Variants in CSMD1 observed in about 807,000 individuals in gnomAD.
The protein encoded by CSMD1 is CUB and Sushi multiple domains 1.
Under a neutral mutation model 417.5 loss-of-function variants are expected in CSMD1, and 213 were observed. The observed-to-expected ratio is 0.51, with a 90% CI of 0.46 to 0.57. CSMD1 has a LOEUF of 0.57. CSMD1 is among the 20% of genes least tolerant of loss of function. The pLI is 0.00. For missense variants in CSMD1, 6,923 were observed against 4,529.7 expected (o/e 1.53, Z -15.17); for synonymous variants, 2,862 against 1,736.8 (o/e 1.65, Z -16.11).
chr8:4,751,281 A>G (rs12056373), intron 1 of CSMD1, among the ~76,000 whole-genome samples: 80,533 of 151,790 alleles, frequency 0.53, 22,651 homozygotes, highest in South Asian at 0.69. Flanking sequence ...GCTACTTGGG[A>G]GGCTGAGGCA....
At chr8:3,972,636 T>C (rs1813165410) in intron 5 of CSMD1, among the ~76,000 whole-genome samples, 1 of 152,230 alleles carries the variant, frequency 6.6e-6, no homozygotes, top group South Asian at 2.1e-4. Context: ...CTTAAGTTAG[T>C]TTACATGTGA....
chr8:4,047,906 TGTA>T (rs1563362345), intron 3 of CSMD1, among the ~76,000 whole-genome samples: 2 of 152,184 alleles, frequency 1.3e-5, no homozygotes, highest in South Asian at 2.1e-4. Flanking sequence ...TTTGATTTTA[TGTA>T]GTATTATAAA....
chr8:4,741,601 C>G (rs867889933), intron 1 of CSMD1, among the ~76,000 whole-genome samples: 13 of 152,166 alleles, frequency 8.5e-5, no homozygotes, highest in African/African-American at 2.4e-4. Flanking sequence ...GCTTGGACAA[C>G]AGGACCTTTG....
At chr8:4,310,442 G>A (rs531496018) in intron 3 of CSMD1, among the ~76,000 whole-genome samples, 85 of 152,288 alleles carry the variant, frequency 5.6e-4, no homozygotes, top group African/African-American at 2.0e-3. Flanking sequence ...AAATTGTGCA[G>A]AAGTAGGAAG....
At chr8:4,872,150 G>C (rs1325952260) in intron 1 of CSMD1, among the ~76,000 whole-genome samples, 1 of 152,086 alleles carries the variant, frequency 6.6e-6, no homozygotes, top group Non-Finnish European at 1.5e-5. Context: ...TGAATATGTA[G>C]CAAATGAATG....
chr8:3,290,475 C>A (rs1350737711), intron 25 of CSMD1, among the ~76,000 whole-genome samples: 1 of 81,820 alleles, frequency 1.2e-5, no homozygotes, highest in Admixed American at 1.3e-4. Flanking sequence ...AATGTTCTTC[C>A]ATTTGTTTGT....
chr8:4,062,379 G>A (rs1396031660), intron 3 of CSMD1, among the ~76,000 whole-genome samples: 1 of 151,982 alleles, frequency 6.6e-6, no homozygotes, highest in African/African-American at 2.4e-5. Flanking sequence ...TTTTTCTCAA[G>A]CAATAAGAGG....
chr8:4,826,317 G>T (rs1799823657), intron 1 of CSMD1, among the ~76,000 whole-genome samples: 1 of 152,012 alleles, frequency 6.6e-6, no homozygotes, highest in Non-Finnish European at 1.5e-5. Context: ...ATATGTGTGT[G>T]TGTGTATATA....
chr8:3,515,962 G>C (rs1056069986), intron 10 of CSMD1, among the ~76,000 whole-genome samples: 12 of 152,174 alleles, frequency 7.9e-5, no homozygotes, highest in African/African-American at 1.4e-4. Flanking sequence ...GTACCAAACT[G>C]TTCGTTGCCA....
chr8:4,748,474 G>A (rs1397063447), intron 1 of CSMD1, among the ~76,000 whole-genome samples: 2 of 152,186 alleles, frequency 1.3e-5, no homozygotes, highest in Admixed American at 6.5e-5. Flanking sequence ...TCTGGAAAGT[G>A]TGGCTGGCTG....
intron 57 of CSMD1, among the ~76,000 whole-genome samples, chr8:2,971,021 T>C (rs1045935828): frequency 6.6e-6 from 1 of 152,208 alleles, no homozygotes; most frequent in African/African-American, 2.4e-5. Flanking sequence ...TTCTAAGGTA[T>C]GTGAGTGTAA....
chr8:4,314,649 A>G (rs1798818543), intron 3 of CSMD1, among the ~76,000 whole-genome samples: 2 of 152,174 alleles, frequency 1.3e-5, no homozygotes, highest in Non-Finnish European at 2.9e-5. Context: ...ATGTACTATT[A>G]CATTACCATT....
chr8:3,253,329 T>A (rs182116236), intron 26 of CSMD1, among the ~76,000 whole-genome samples: 52 of 152,308 alleles, frequency 3.4e-4, no homozygotes, highest in Non-Finnish European at 6.6e-4. Flanking sequence ...TTCCATGTAG[T>A]TGAGTGGTTT....
chr8:3,515,214 C>G (rs149939748), intron 10 of CSMD1: 5 of 152,244 alleles, frequency 3.3e-5, no homozygotes, highest in African/African-American at 9.6e-5. Flanking sequence ...AATTAAATGT[C>G]AAGTACATTT....
intron 2 of CSMD1, among the ~76,000 whole-genome samples, chr8:4,565,074 A>C (rs62486666): frequency 0.3 from 44,923 of 152,110 alleles, 7,092 homozygotes; most frequent in East Asian, 0.57. Context: ...CACTGAAGAA[A>C]AACTTTCCCT....
At chr8:4,047,907 G>A (rs1407495856) in intron 3 of CSMD1, among the ~76,000 whole-genome samples, 1 of 152,082 alleles carries the variant, frequency 6.6e-6, no homozygotes, top group Non-Finnish European at 1.5e-5. Context: ...TTGATTTTAT[G>A]TAGTATTATA....
chr8:4,068,421 A>G (rs1799371801), intron 3 of CSMD1, among the ~76,000 whole-genome samples: 1 of 152,200 alleles, frequency 6.6e-6, no homozygotes, highest in South Asian at 2.1e-4. Context: ...CATGAAAAGC[A>G]CGGTTACAGA....
In CSMD1 at chr8:3,935,784, A is replaced by T. The variant is rs189791283; in HGVS notation, c.818+62119T>A. Among the ~76,000 whole-genome samples the T allele has an allele frequency of 2.3e-3, 354 of 152,260 alleles. 2 individuals are homozygous for T. Among genetic ancestry groups the T allele is most frequent in the African/African-American group, 7.9e-3 (330 of 41,560 alleles). On this transcript the variant is annotated intron_variant, in intron 5 of 69. Coordinates refer to ENST00000635120, the MANE Select transcript of CSMD1 (RefSeq NM_033225.6). ...AATAATCAAATTAGGCCAATTAATA[A>T]GCCTACAGTGGCCTTTATGTGCTCA...
At chr8:3,229,994 G>C (rs372855856) in intron 27 of CSMD1, 46 bp downstream of exon 27, 4 of 1,312,332 alleles carry the variant, frequency 3.0e-6, no homozygotes, top group Admixed American at 5.1e-5. Flanking sequence ...ACGACAACAT[G>C]CATCCATTCC....
Sources: allele counts gnomAD v4.1 joint callset (sites outside exome capture counted in the v4.1 genomes callset), GRCh38; gene constraint gnomAD v4.1.1; transcripts MANE v1.5; gene names NCBI Gene and HGNC (gene_info 2026-07-23, HGNC 2026-07-21).